SUGCT: variants seen among roughly 807,000 people sequenced by gnomAD.
The protein encoded by SUGCT is succinyl-CoA:glutarate-CoA transferase, also known as succinyl-CoA:glutarate CoA-transferase.
Under a neutral mutation model 55.0 loss-of-function variants are expected in SUGCT, and 41 were observed. The ratio of observed to expected loss-of-function variants is 0.74; its 90% CI spans 0.58 to 0.97. The LOEUF (loss-of-function observed/expected upper bound fraction) is 0.97. SUGCT is among the 50% of genes least tolerant of loss of function. SUGCT has a pLI of 0.00. For synonymous variants in SUGCT, 187 were observed against 200.4 expected, an observed-to-expected ratio of 0.93 and a Z score of 0.56; for missense variants, 568 against 547.8, an observed-to-expected ratio of 1.04 and a Z score of -0.37.
chr7:40,835,136 T>C (rs1005272021), intron 13 of SUGCT, among the ~76,000 whole-genome samples: 2 of 152,202 alleles, frequency 1.3e-5, no homozygotes, highest in Non-Finnish European at 2.9e-5. Context: ...AGGAACTGAA[T>C]TTTAGTTTTA....
At chr7:40,889,017 T>C in the SUGCT span, among the ~76,000 whole-genome samples, 5 of 152,370 alleles carry the variant, frequency 3.3e-5, no homozygotes, top group East Asian at 7.7e-4. Flanking sequence ...TTTCTTTGAC[T>C]GATTTTCTTT....
chr7:40,659,267 C>G lies in SUGCT; in HGVS notation c.1090-90167C>G, dbSNP rs536021183. 3.1e-4 allele frequency among the ~76,000 whole-genome samples: 47 copies of G among 152,230 alleles called. 1 individual carries two copies. In the South Asian group the frequency reaches 8.7e-3, roughly 28 times the overall value. On this transcript the variant is annotated intron_variant, in intron 12 of 13. Transcript: ENST00000335693. ...TATTTCAGGGTTTCTCATGAGGTCACAGTTAGATGTCATGTGGAGGTGTAG... is the reference window on the plus strand; with the variant it reads ...TATTTCAGGGTTTCTCATGAGGTCAGAGTTAGATGTCATGTGGAGGTGTAG...
intron 12 of SUGCT, among the ~76,000 whole-genome samples, chr7:40,721,505 C>T (rs1584335900): frequency 6.6e-6 from 1 of 152,306 alleles, no homozygotes; most frequent in East Asian, 1.9e-4. Flanking sequence ...TTATTTGGGA[C>T]TGCAATTTAA....
Position 40,468,354 on chromosome 7 carries a change from T to G in SUGCT, c.986+9156T>G, listed in dbSNP as rs540003490. 3.9e-5 allele frequency among the ~76,000 whole-genome samples: 6 copies of G among 152,282 alleles called. No homozygotes were observed. The East Asian group carries it at 7.7e-4, about 20-fold the overall frequency. On this transcript the variant is annotated intron_variant, in intron 11 of 13. Transcript: ENST00000335693. ...TTTCCTTATTTTTTATTTTCTCATG[T>G]TTAATTTCTAACATCTGTGTCACCT...
chr7:40,409,245 C>T (rs1786539128), intron 9 of SUGCT, among the ~76,000 whole-genome samples: 1 of 151,440 alleles, frequency 6.6e-6, no homozygotes, highest in Non-Finnish European at 1.5e-5. Context: ...TGTGAGCCAT[C>T]ATGCTGAGCT....
chr7:41,003,957 G>T, the SUGCT span, among the ~76,000 whole-genome samples: 1 of 152,270 alleles, frequency 6.6e-6, no homozygotes. Flanking sequence ...TCTGGAAAAG[G>T]TATAGATACA....
chr7:40,859,507 C>G (rs1345628145), intron 13 of SUGCT, among the ~76,000 whole-genome samples: 1 of 152,212 alleles, frequency 6.6e-6, no homozygotes, highest in African/African-American at 2.4e-5. Context: ...ACTTTGTGCC[C>G]GGCACCCCTT....
At chr7:40,898,651 G>A in the SUGCT span, among the ~76,000 whole-genome samples, 1 of 152,000 alleles carries the variant, frequency 6.6e-6, no homozygotes, top group Non-Finnish European at 1.5e-5. Flanking sequence ...GTGAACCGTG[G>A]AGGCGGACCT....
intron 12 of SUGCT, among the ~76,000 whole-genome samples, chr7:40,735,946 TTA>T (rs1787132101): frequency 6.6e-6 from 1 of 151,840 alleles, no homozygotes; most frequent in Admixed American, 6.6e-5. Flanking sequence ...AGAGGTGCCC[TTA>T]AGCACTTAGA....
chr7:40,997,404 A>T, the SUGCT span, among the ~76,000 whole-genome samples: 4 of 152,124 alleles, frequency 2.6e-5, no homozygotes, highest in Non-Finnish European at 5.9e-5. Context: ...CCACATGGCA[A>T]CCAGCACCAC....
intron 9 of SUGCT, among the ~76,000 whole-genome samples, chr7:40,318,829 C>T (rs1356825297): frequency 6.6e-6 from 1 of 152,190 alleles, no homozygotes; most frequent in Non-Finnish European, 1.5e-5. Flanking sequence ...GGTAGGTGTT[C>T]ACTGTGTTCA....
the SUGCT span, among the ~76,000 whole-genome samples, chr7:40,999,088 C>T: frequency 3.9e-5 from 6 of 152,164 alleles, no homozygotes; most frequent in Admixed American, 6.5e-5. Flanking sequence ...TGTGAGCTGC[C>T]GAAGTGACAC....
At chr7:40,279,027 G>GA (rs1194455811) in intron 8 of SUGCT, among the ~76,000 whole-genome samples, 1 of 150,162 alleles carries the variant, frequency 6.7e-6, no homozygotes. Context: ...AGAGATGGGG[G>GA]GGTCTGACTG....
chr7:40,296,076 A>G (rs1052530139), intron 8 of SUGCT, among the ~76,000 whole-genome samples: 2 of 152,200 alleles, frequency 1.3e-5, no homozygotes, highest in African/African-American at 4.8e-5. Context: ...TTGTTGGGCG[A>G]CTGAGATGCT....
At chr7:40,507,987 T>G (rs2151544646) in intron 12 of SUGCT, among the ~76,000 whole-genome samples, 1 of 152,266 alleles carries the variant, frequency 6.6e-6, no homozygotes, top group Non-Finnish European at 1.5e-5. Flanking sequence ...CTGTATTGTT[T>G]TCAACAATGC....
At chr7:40,251,018 CG>C (rs1562614197) in intron 7 of SUGCT, among the ~76,000 whole-genome samples, 2 of 151,530 alleles carry the variant, frequency 1.3e-5, no homozygotes, top group African/African-American at 4.9e-5. Context: ...TTAGTGGAGA[CG>C]GGGGTTTCAC....
the SUGCT span, among the ~76,000 whole-genome samples, chr7:40,969,436 C>T: frequency 6.6e-6 from 1 of 152,214 alleles, no homozygotes; most frequent in Non-Finnish European, 1.5e-5. Flanking sequence ...TCACAGCTCA[C>T]TGCAGCCTCA....
At chr7:40,337,328 G>A (rs931140124) in intron 9 of SUGCT, among the ~76,000 whole-genome samples, 5 of 152,128 alleles carry the variant, frequency 3.3e-5, no homozygotes, top group Non-Finnish European at 5.9e-5. Flanking sequence ...TCGTTGATCT[G>A]TCTAATGTTG....
At position 40,349,073 on chromosome 7, in the gene SUGCT, A is replaced by G. The variant is rs573138328; in HGVS notation, c.816+32218A>G. ...GGTCTTTTCCACCCTCCTTCTGTATATCCTCACTGAATGAGTTCTCACGTA... is the reference window on the plus strand; with the variant it reads ...GGTCTTTTCCACCCTCCTTCTGTATGTCCTCACTGAATGAGTTCTCACGTA... On this transcript the variant is annotated intron_variant, in intron 9 of 13. Transcript: ENST00000335693. Among the ~76,000 whole-genome samples, 8 of 152,256 alleles carry G rather than the reference A, an allele frequency of 5.3e-5. 1 individual carries two copies. The Middle Eastern group carries it at 0.017, about 324-fold the overall frequency.
Sources: gnomAD v4.1 joint callset for allele counts (sites outside exome capture counted in the v4.1 genomes callset) on GRCh38, gnomAD v4.1.1 for gene constraint, MANE v1.5 for transcripts, NCBI Gene and HGNC (gene_info 2026-07-23, HGNC 2026-07-21) for gene names.